CEPT1: variants seen among roughly 807,000 people sequenced by gnomAD.
The protein encoded by CEPT1 is choline/ethanolaminephosphotransferase 1.
A neutral mutation model predicts 42.6 loss-of-function variants in CEPT1; 7 were observed. The observed-to-expected ratio is 0.16, with a 90% CI of 0.09 to 0.31. CEPT1 has a LOEUF of 0.31. Among genes scored for constraint, CEPT1 ranks in the 10% least tolerant of loss-of-function variants. The probability of loss-of-function intolerance (pLI) is 1.00; values close to 1 mark genes in which losing one functional copy is unlikely to be tolerated. For missense variants in CEPT1, 306 were observed against 502.1 expected (o/e 0.61, Z 3.73); for synonymous variants, 171 against 171.9 (o/e 0.99, Z 0.04).
intron 2 of CEPT1, among the ~76,000 whole-genome samples, chr1:111,150,422 A>G (rs1655203860): frequency 6.6e-6 from 1 of 152,214 alleles, no homozygotes; most frequent in African/African-American, 2.4e-5. Context: ...CTCTAATGAT[A>G]CATAATATTT....
At chr1:111,169,521 G>A (rs1656315771) in intron 4 of CEPT1, among the ~76,000 whole-genome samples, 1 of 152,048 alleles carries the variant, frequency 6.6e-6, no homozygotes, top group Admixed American at 6.5e-5. Context: ...CTATTAAAAT[G>A]TTTCTAAAAA....
At chr1:111,143,173 A>C (rs1233256866) in intron 1 of CEPT1, among the ~76,000 whole-genome samples, 2 of 152,180 alleles carry the variant, frequency 1.3e-5, no homozygotes, top group Admixed American at 1.3e-4. Flanking sequence ...ATTTTATCCC[A>C]TTCTTCCATC....
Position 111,182,934 on chromosome 1 carries a change from G to T in CEPT1, c.982G>T (p.Ala328Ser). The change falls in exon 7 of 9, where the codon GCT becomes TCT. Residue 328 changes from alanine to serine, a missense_variant. Coordinates refer to ENST00000357172, the MANE Select transcript of CEPT1 (RefSeq NM_006090.5). ...LYILTFGFVS[A>S]KITNKLVVAH... ...TATACTGACATTTGGTTTTGTGTCTGCTAAAATCACTAATAAGCTTGTGGT... is the reference window on the plus strand; with the variant it reads ...TATACTGACATTTGGTTTTGTGTCTTCTAAAATCACTAATAAGCTTGTGGT... The T allele has an allele frequency of 6.2e-7, 1 of 1,612,830 alleles. No homozygotes were observed. The highest frequency in any genetic ancestry group is 8.5e-7 in the Non-Finnish European group (1 of 1,179,432).
intron 2 of CEPT1, 77 bp downstream of exon 2, chr1:111,148,130 C>A: frequency 9.1e-7 from 1 of 1,095,148 alleles, no homozygotes; most frequent in Non-Finnish European, 1.3e-6. Context: ...GTCATTTTAA[C>A]TAAAGATAAA....
intron 5 of CEPT1, among the ~76,000 whole-genome samples, chr1:111,175,288 T>C (rs1656620476): frequency 6.6e-6 from 1 of 152,178 alleles, no homozygotes; most frequent in Admixed American, 6.5e-5. Flanking sequence ...TTCTCTTTCT[T>C]AACTACATGA....
At chr1:111,162,200 C>G (rs949546305) in intron 4 of CEPT1, among the ~76,000 whole-genome samples, 10 of 152,156 alleles carry the variant, frequency 6.6e-5, no homozygotes, top group Admixed American at 3.9e-4. Context: ...GACAAAAGTG[C>G]CTTTTAGAAA....
At chr1:111,167,883 A>AT in intron 4 of CEPT1, 1 of 610,788 alleles carries the variant, frequency 1.6e-6, no homozygotes, top group Non-Finnish European at 2.0e-6. Context: ...AAAGTAATGT[A>AT]TCTTTTTCCT....
intron 2 of CEPT1, among the ~76,000 whole-genome samples, chr1:111,152,677 A>C (rs770010904): frequency 3.4e-4 from 51 of 152,194 alleles, no homozygotes; most frequent in Non-Finnish European, 6.3e-4. Flanking sequence ...AGATTGCATG[A>C]TGAATTGGAG....
chr1:111,175,024 A>G (rs1656609007), intron 5 of CEPT1, 61 bp downstream of exon 5: 1 of 989,620 alleles, frequency 1.0e-6, no homozygotes, highest in South Asian at 1.3e-5. Context: ...TGTGTTTTCT[A>G]ATATGGGATA....
At chr1:111,173,994 G>GTGA (rs1268554058) in intron 4 of CEPT1, among the ~76,000 whole-genome samples, 1 of 152,028 alleles carries the variant, frequency 6.6e-6, no homozygotes, top group Non-Finnish European at 1.5e-5. Context: ...TAATTCCATA[G>GTGA]TGAATAACCT....
intron 4 of CEPT1, among the ~76,000 whole-genome samples, chr1:111,162,838 GACT>G (rs1655939040): frequency 1.3e-5 from 2 of 152,148 alleles, no homozygotes; most frequent in South Asian, 2.1e-4. Flanking sequence ...CAAATAAGTA[GACT>G]ACTATTTATT....
chr1:111,174,523 C>T (rs1374380952), intron 4 of CEPT1, among the ~76,000 whole-genome samples: 1 of 151,796 alleles, frequency 6.6e-6, no homozygotes, highest in Non-Finnish European at 1.5e-5. Context: ...TATTTTATAA[C>T]AGTGCAATGT....
rs755260487 is a variant in CEPT1, at chr1:111,161,200, A to G, written c.533A>G (p.Asn178Ser). The G allele has an allele frequency of 5.0e-6, 8 of 1,613,826 alleles. No homozygotes were observed. In the East Asian group the frequency reaches 1.6e-4, roughly 31 times the overall value. ...TGTATTGCAGTGCAGCTGGGGACAA[A>G]CCCTGATTGGATGTTTTTTTGTTGT... Reference protein sequence around the residue: ...GTCIAVQLGTNPDWMFFCCFA... With the variant: ...GTCIAVQLGTSPDWMFFCCFA... The change falls in exon 4 of 9, where the codon AAC becomes AGC. Residue 178 changes from asparagine to serine, a missense_variant. Physicochemically the swap from Asn to Ser is conservative, Grantham distance 46 (BLOSUM62 1). Transcript: ENST00000357172.
intron 4 of CEPT1, among the ~76,000 whole-genome samples, chr1:111,163,067 A>T (rs1655952029): frequency 6.6e-6 from 1 of 152,118 alleles, no homozygotes; most frequent in African/African-American, 2.4e-5. Flanking sequence ...TATAGGAACA[A>T]AGGAGTTCTA....
intron 5 of CEPT1, among the ~76,000 whole-genome samples, chr1:111,176,001 C>G (rs1656659564): frequency 6.6e-6 from 1 of 152,130 alleles, no homozygotes; most frequent in Non-Finnish European, 1.5e-5. Context: ...TTACCTAACT[C>G]ACTTTATGAT....
chr1:111,150,960 C>T (rs930233328), intron 2 of CEPT1, among the ~76,000 whole-genome samples: 2 of 152,122 alleles, frequency 1.3e-5, no homozygotes, highest in African/African-American at 2.4e-5. Context: ...TGTTAATATA[C>T]TTGTGTTCAC....
chr1:111,174,006 G>A (rs1057400371), intron 4 of CEPT1, among the ~76,000 whole-genome samples: 2 of 151,902 alleles, frequency 1.3e-5, no homozygotes, highest in Admixed American at 6.6e-5. Context: ...GAATAACCTT[G>A]TACAAACATC....
At chr1:111,171,635 G>C (rs1656417370) in intron 4 of CEPT1, among the ~76,000 whole-genome samples, 1 of 152,180 alleles carries the variant, frequency 6.6e-6, no homozygotes, top group African/African-American at 2.4e-5. Flanking sequence ...TAATTTAAGT[G>C]TATCCTGATG....
chr1:111,167,070 A>G (rs1656179634), intron 4 of CEPT1: 1 of 972,768 alleles, frequency 1.0e-6, no homozygotes, highest in Non-Finnish European at 1.2e-6. Context: ...AGTTCTGAGT[A>G]AAGTTATTTT....
Sources: gnomAD v4.1 joint callset for allele counts (sites outside exome capture counted in the v4.1 genomes callset) on GRCh38, gnomAD v4.1.1 for gene constraint, MANE v1.5 for transcripts, NCBI Gene and HGNC (gene_info 2026-07-23, HGNC 2026-07-21) for gene names.